MRPS9: variants seen among roughly 807,000 people sequenced by gnomAD.
MRPS9 encodes small ribosomal subunit protein uS9m.
In MRPS9, 45 loss-of-function variants were observed where a neutral mutation model predicts 59.9. The observed-to-expected ratio is 0.75, with a 90% CI of 0.59 to 0.96. The LOEUF (loss-of-function observed/expected upper bound fraction) is 0.96, where lower values mean the gene tolerates loss of function less well. MRPS9 is among the 40% of genes least tolerant of loss of function. The pLI is 0.00. For synonymous variants in MRPS9, 171 were observed against 166.8 expected, an observed-to-expected ratio of 1.03 and a Z score of -0.19; for missense variants, 473 against 481.1, an observed-to-expected ratio of 0.98 and a Z score of 0.16.
chr2:105,068,935 G>A (rs180811316), intron 2 of MRPS9, among the ~76,000 whole-genome samples: 3 of 152,148 alleles, frequency 2.0e-5, no homozygotes, highest in Admixed American at 6.5e-5. Context: ...TCATAGGGGT[G>A]TATCTTCTGG....
At chr2:105,077,079 T>G (rs576745987) in intron 4 of MRPS9, among the ~76,000 whole-genome samples, 3 of 151,960 alleles carry the variant, frequency 2.0e-5, no homozygotes, top group Non-Finnish European at 4.4e-5. Context: ...AAACCCCATC[T>G]CTACTAAAAA....
At chr2:105,045,418 T>A in intron 1 of MRPS9, among the ~76,000 whole-genome samples, 1 of 150,216 alleles carries the variant, frequency 6.7e-6, no homozygotes, top group African/African-American at 2.5e-5. Flanking sequence ...ATAAGATGAA[T>A]GACAAGACCG....
chr2:105,070,075 T>G (rs1482264112), intron 2 of MRPS9, among the ~76,000 whole-genome samples: 1 of 152,078 alleles, frequency 6.6e-6, no homozygotes. Flanking sequence ...GGGAGGGACC[T>G]GGTTAAAACA....
At chr2:105,060,451 T>G (rs1181084389) in intron 2 of MRPS9, among the ~76,000 whole-genome samples, 2 of 152,128 alleles carry the variant, frequency 1.3e-5, no homozygotes, top group Non-Finnish European at 2.9e-5. Flanking sequence ...TGACTAATTT[T>G]TATGTCTTTA....
intron 2 of MRPS9, among the ~76,000 whole-genome samples, chr2:105,070,091 GA>G (rs1680086823): frequency 6.6e-6 from 1 of 152,034 alleles, no homozygotes; most frequent in Non-Finnish European, 1.5e-5. Flanking sequence ...AAACAAAAAA[GA>G]GTTTGCTAAA....
chr2:105,087,277 T>C (rs1263964148), intron 5 of MRPS9, among the ~76,000 whole-genome samples: 1 of 152,178 alleles, frequency 6.6e-6, no homozygotes, highest in African/African-American at 2.4e-5. Flanking sequence ...GGATATGTAC[T>C]TGGGATGTAG....
chr2:105,071,328 CT>C lies in MRPS9; in HGVS notation c.335del (p.Phe112SerfsTer13). 1 of 1,610,002 alleles carries C rather than the reference CT, an allele frequency of 6.2e-7. No homozygotes were observed. Among genetic ancestry groups the C allele is most frequent in the Non-Finnish European group, 8.5e-7 (1 of 1,178,868 alleles). ...ATATTTTCAGAGAGCTATTGCTTAC[CT>C]TTTCCCAAGTGGTTTGTTTGAGAAA... is the stretch of plus-strand genomic sequence containing the variant. Reference protein sequence around the residue: ...QEDIDRAIAYLFPSGLFEKRA... With the variant: ...QEDIDRAIAYXFPSGLFEKRA... On this transcript the variant is annotated frameshift_variant, in exon 3 of 11. Transcript: ENST00000258455. LOFTEE classifies it high-confidence loss of function.
intron 5 of MRPS9, among the ~76,000 whole-genome samples, chr2:105,085,954 T>G (rs530245751): frequency 6.6e-6 from 1 of 152,172 alleles, no homozygotes; most frequent in Non-Finnish European, 1.5e-5. Flanking sequence ...TTGATGTAAA[T>G]TAGCACACAT....
At chr2:105,058,715 G>A (rs543987939) in intron 2 of MRPS9, among the ~76,000 whole-genome samples, 1,526 of 115,576 alleles carry the variant, frequency 0.013, 24 homozygotes, top group African/African-American at 0.046. Context: ...TCTCTCTGTT[G>A]CCCAGGCAAC....
At chr2:105,056,073 G>T (rs1679786319) in intron 2 of MRPS9, among the ~76,000 whole-genome samples, 1 of 151,886 alleles carries the variant, frequency 6.6e-6, no homozygotes. Context: ...AGTGTTATTT[G>T]TAATGAAAAC....
At chr2:105,041,864 C>T (rs1008521985) in intron 1 of MRPS9, among the ~76,000 whole-genome samples, 2 of 152,130 alleles carry the variant, frequency 1.3e-5, no homozygotes, top group African/African-American at 4.8e-5. Flanking sequence ...TTCCTCATTG[C>T]TGTAATTAGG....
At chr2:105,044,659 C>A (rs1353931102) in intron 1 of MRPS9, among the ~76,000 whole-genome samples, 4 of 152,116 alleles carry the variant, frequency 2.6e-5, no homozygotes, top group African/African-American at 7.2e-5. Flanking sequence ...AGGAAAGCCA[C>A]CACCTTATGT....
intron 2 of MRPS9, among the ~76,000 whole-genome samples, chr2:105,059,636 G>T (rs746689163): frequency 1.6e-4 from 25 of 151,956 alleles, no homozygotes; most frequent in Non-Finnish European, 2.2e-4. Context: ...TTTCATGAAG[G>T]TTGGTTTAGG....
At chr2:105,070,291 A>G (rs80024974) in intron 2 of MRPS9, among the ~76,000 whole-genome samples, 1 of 152,098 alleles carries the variant, frequency 6.6e-6, no homozygotes, top group Non-Finnish European at 1.5e-5. Flanking sequence ...TTTTGTTTTA[A>G]GTGTAATTTT....
intron 2 of MRPS9, among the ~76,000 whole-genome samples, chr2:105,068,523 A>G (rs1680044594): frequency 6.6e-6 from 1 of 152,212 alleles, no homozygotes; most frequent in Non-Finnish European, 1.5e-5. Flanking sequence ...TTTAATACAT[A>G]AAACATTTAC....
At chr2:105,082,071 ACT>A (rs1394754031) in intron 5 of MRPS9, among the ~76,000 whole-genome samples, 1 of 151,740 alleles carries the variant, frequency 6.6e-6, no homozygotes, top group Non-Finnish European at 1.5e-5. Context: ...GCCTGTCTGC[ACT>A]CTCTTTGTTC....
intron 2 of MRPS9, among the ~76,000 whole-genome samples, chr2:105,051,256 T>A (rs537318275): frequency 6.6e-6 from 1 of 152,352 alleles, no homozygotes; most frequent in South Asian, 2.1e-4. Flanking sequence ...TTTGTTCTTT[T>A]ACATATGGAC....
rs753711321 is a variant in MRPS9, at chr2:105,093,541, A to C, written c.832A>C (p.Thr278Pro). 6.3e-7 allele frequency: 1 copy of C among 1,585,786 alleles called. No homozygotes were observed. Among genetic ancestry groups the C allele is most frequent in the South Asian group, 1.2e-5 (1 of 86,230 alleles). Reference protein sequence around the residue: ...AFSKSEGKRKTAKAEAIVYKH... With the variant: ...AFSKSEGKRKPAKAEAIVYKH... ...TTATATTTTTGAAGGTAAAAGAAAG[A>C]CTGCAAAAGCAGAAGCAATTGTTTA... The change falls in exon 9 of 11, where the codon ACT (threonine) becomes CCT (proline). Residue 278 changes from threonine to proline, a missense_variant. Coordinates refer to ENST00000258455, the MANE Select transcript of MRPS9 (RefSeq NM_182640.3).
chr2:105,054,665 C>T (rs1347649424), intron 2 of MRPS9, among the ~76,000 whole-genome samples: 2 of 55,304 alleles, frequency 3.6e-5, no homozygotes, highest in African/African-American at 7.2e-5. Context: ...CTTTTGGTAT[C>T]GCATTTTATT....
Sources: gnomAD v4.1 joint callset for allele counts (sites outside exome capture counted in the v4.1 genomes callset) on GRCh38, gnomAD v4.1.1 for gene constraint, MANE v1.5 for transcripts, NCBI Gene and HGNC (gene_info 2026-07-23, HGNC 2026-07-21) for gene names.